SPOCK3: variants seen among roughly 807,000 people sequenced by gnomAD.
The protein encoded by SPOCK3 is SPARC (osteonectin), cwcv and kazal like domains proteoglycan 3, also known as testican-3.
In SPOCK3, 30 loss-of-function variants were observed where a neutral mutation model predicts 56.6. The ratio of observed to expected loss-of-function variants is 0.53; its 90% confidence interval spans 0.40 to 0.72. The LOEUF is 0.72. SPOCK3 is among the 30% of genes least tolerant of loss of function. The probability of loss-of-function intolerance (pLI) is 0.00; values close to 1 mark genes in which losing one functional copy is unlikely to be tolerated. For synonymous variants in SPOCK3, 196 were observed against 183.3 expected (o/e 1.07, Z -0.56); for missense variants, 527 against 530.0 (o/e 0.99, Z 0.06).
At chr4:166,992,033 G>A (rs1453284001) in intron 4 of SPOCK3, among the ~76,000 whole-genome samples, 1 of 152,200 alleles carries the variant, frequency 6.6e-6, no homozygotes, top group Middle Eastern at 3.4e-3. Context: ...CTTGTAATGG[G>A]TTTCTTTACA....
intron 2 of SPOCK3, among the ~76,000 whole-genome samples, chr4:167,086,091 C>A (rs1471336567): frequency 6.6e-6 from 1 of 151,740 alleles, no homozygotes; most frequent in South Asian, 2.1e-4. Flanking sequence ...TCTGTTTCAA[C>A]CATTTTTCAA....
At chr4:166,909,154 C>T (rs1736971894) in intron 5 of SPOCK3, among the ~76,000 whole-genome samples, 2 of 151,916 alleles carry the variant, frequency 1.3e-5, no homozygotes, top group Non-Finnish European at 2.9e-5. Flanking sequence ...TCCATAGTTC[C>T]TCATCTATTC....
chr4:167,119,741 G>T (rs1761715146), intron 2 of SPOCK3: 29 of 1,244,262 alleles, frequency 2.3e-5, no homozygotes, highest in Admixed American at 2.0e-5. Context: ...AACATAATGG[G>T]TACTCTGCTA....
intron 5 of SPOCK3, among the ~76,000 whole-genome samples, chr4:166,891,022 T>C: frequency 6.6e-6 from 1 of 151,934 alleles, no homozygotes; most frequent in Non-Finnish European, 1.5e-5. Context: ...TTCTTTGTCA[T>C]TTTTGATCTT....
At chr4:166,751,279 C>T (rs1736346067) in intron 8 of SPOCK3, among the ~76,000 whole-genome samples, 1 of 152,100 alleles carries the variant, frequency 6.6e-6, no homozygotes, top group Non-Finnish European at 1.5e-5. Context: ...TTTGACATCT[C>T]TTCCTGTTTA....
rs191733455 is a variant in SPOCK3 at position 166,869,081 on chromosome 4, C to A, written c.589+20049G>T. Reference sequence around the variant, plus strand: ...TTATTCAGAAAATTACAAAGCTGCTCCCAGGCTAATGGAGCAGAGCTCTCC... The same window carrying A: ...TTATTCAGAAAATTACAAAGCTGCTACCAGGCTAATGGAGCAGAGCTCTCC... On this transcript the variant is annotated intron_variant, in intron 6 of 10. Transcript: ENST00000357545. 2.7e-3 allele frequency among the ~76,000 whole-genome samples: 407 copies of A among 149,878 alleles called. 1 individual carries two copies. Among genetic ancestry groups the A allele is most frequent in the Non-Finnish European group, 5.1e-3 (342 of 66,720 alleles).
chr4:167,014,818 C>T (rs576387840), intron 3 of SPOCK3, among the ~76,000 whole-genome samples: 3 of 151,890 alleles, frequency 2.0e-5, no homozygotes, highest in Admixed American at 6.6e-5. Flanking sequence ...CTGGGCTGGC[C>T]GTTAGGATGG....
intron 4 of SPOCK3, among the ~76,000 whole-genome samples, chr4:166,970,560 C>T (rs1745261760): frequency 1.3e-5 from 2 of 151,778 alleles, no homozygotes. Flanking sequence ...TCTGTCTTTA[C>T]TAAGAATACA....
intron 4 of SPOCK3, among the ~76,000 whole-genome samples, chr4:166,935,170 C>T (rs1220304371): frequency 1.3e-5 from 2 of 152,116 alleles, no homozygotes; most frequent in East Asian, 3.9e-4. Flanking sequence ...CTGTACTTTC[C>T]CTTGGGGTAT....
At chr4:166,812,536 A>T (rs1039588018) in intron 6 of SPOCK3, among the ~76,000 whole-genome samples, 10 of 151,944 alleles carry the variant, frequency 6.6e-5, no homozygotes, top group African/African-American at 9.7e-5. Context: ...ATACTCAGAT[A>T]ACAAATTCAT....
intron 6 of SPOCK3, among the ~76,000 whole-genome samples, chr4:166,849,612 A>C (rs1748472889): frequency 6.6e-6 from 1 of 152,236 alleles, no homozygotes; most frequent in Admixed American, 6.5e-5. Context: ...CACATAACAT[A>C]AAATTTACCA....
intron 3 of SPOCK3, among the ~76,000 whole-genome samples, chr4:167,043,330 A>G (rs1753400396): frequency 6.6e-6 from 1 of 152,058 alleles, no homozygotes; most frequent in East Asian, 1.9e-4. Flanking sequence ...GTATTCTGCA[A>G]CCTTGTTATA....
At chr4:166,973,609 A>G (rs1039343364) in intron 4 of SPOCK3, among the ~76,000 whole-genome samples, 3 of 152,176 alleles carry the variant, frequency 2.0e-5, no homozygotes, top group Non-Finnish European at 4.4e-5. Context: ...AATATAAGAA[A>G]TATAAGAAGA....
chr4:166,745,930 G>A (rs11732467), intron 8 of SPOCK3, among the ~76,000 whole-genome samples: 31,754 of 152,142 alleles, frequency 0.21, 4,083 homozygotes, highest in South Asian at 0.3. Flanking sequence ...TCAACAAGAA[G>A]AGCTAACTAT....
intron 6 of SPOCK3, among the ~76,000 whole-genome samples, chr4:166,873,566 G>C (rs1275312123): frequency 6.6e-6 from 1 of 151,994 alleles, no homozygotes; most frequent in Non-Finnish European, 1.5e-5. Flanking sequence ...ATAAACTGCG[G>C]CACAAATAAA....
At chr4:167,226,557 T>G (rs768118314) in intron 2 of SPOCK3, among the ~76,000 whole-genome samples, 1 of 152,152 alleles carries the variant, frequency 6.6e-6, no homozygotes, top group African/African-American at 2.4e-5. Flanking sequence ...CAACATTTTC[T>G]CCGAGTATTG....
intron 4 of SPOCK3, among the ~76,000 whole-genome samples, chr4:166,959,867 T>C (rs1743948412): frequency 6.6e-6 from 1 of 152,136 alleles, no homozygotes; most frequent in Non-Finnish European, 1.5e-5. Flanking sequence ...AACATAGAAT[T>C]TAATTAAGGG....
At chr4:166,883,432 A>C (rs780636039) in intron 6 of SPOCK3, among the ~76,000 whole-genome samples, 22 of 152,236 alleles carry the variant, frequency 1.4e-4, no homozygotes, top group Non-Finnish European at 1.9e-4. Flanking sequence ...TTTACAAATA[A>C]TACAATCAGT....
intron 7 of SPOCK3, among the ~76,000 whole-genome samples, chr4:166,763,465 C>T (rs1427795950): frequency 1.3e-5 from 2 of 151,994 alleles, no homozygotes; most frequent in Non-Finnish European, 2.9e-5. Flanking sequence ...AAATCTGGAT[C>T]TACATATAGA....
Sources: gnomAD v4.1 joint callset for allele counts (sites outside exome capture counted in the v4.1 genomes callset) on GRCh38, gnomAD v4.1.1 for gene constraint, MANE v1.5 for transcripts, NCBI Gene and HGNC (gene_info 2026-07-23, HGNC 2026-07-21) for gene names.